Variants in TMTC2 observed in about 807,000 individuals in gnomAD.
TMTC2 encodes the protein transmembrane O-mannosyltransferase targeting cadherins 2, also known as protein O-mannosyl-transferase TMTC2.
In TMTC2, 43 loss-of-function variants were observed where a neutral mutation model predicts 82.4. The ratio of observed to expected loss-of-function variants is 0.52; its 90% CI spans 0.41 to 0.67. TMTC2 has a LOEUF of 0.67. Among genes scored for constraint, TMTC2 ranks in the 30% least tolerant of loss-of-function variants. TMTC2 has a pLI of 0.00. For missense variants in TMTC2, 919 were observed against 1,012.4 expected (o/e 0.91, Z 1.25); for synonymous variants, 408 against 381.9 (o/e 1.07, Z -0.80).
chr12:82,702,750 G>A (rs1873144333), intron 1 of TMTC2, among the ~76,000 whole-genome samples: 1 of 152,150 alleles, frequency 6.6e-6, no homozygotes, highest in East Asian at 1.9e-4. Flanking sequence ...AACATAGCGA[G>A]ATTCCATCTC....
At chr12:82,809,920 C>T (rs1879411530) in intron 1 of TMTC2, among the ~76,000 whole-genome samples, 1 of 152,076 alleles carries the variant, frequency 6.6e-6, no homozygotes, top group Admixed American at 6.6e-5. Context: ...GAAATACTTA[C>T]GGTATGGGGT....
chr12:83,121,565 G>T (rs1425609217), intron 11 of TMTC2, among the ~76,000 whole-genome samples: 4 of 152,080 alleles, frequency 2.6e-5, no homozygotes, highest in African/African-American at 9.7e-5. Flanking sequence ...TGGCAGGGGG[G>T]TGAAATGGAC....
At chr12:82,719,671 C>CTTTTTT (rs202235180) in intron 1 of TMTC2, among the ~76,000 whole-genome samples, 9 of 128,108 alleles carry the variant, frequency 7.0e-5, no homozygotes, top group East Asian at 2.3e-4. Flanking sequence ...GTCTCTCTGT[C>CTTTTTT]TTTTTTTTTT....
chr12:82,882,123 C>G (rs888242257), intron 2 of TMTC2, among the ~76,000 whole-genome samples: 1 of 148,446 alleles, frequency 6.7e-6, no homozygotes, highest in Non-Finnish European at 1.5e-5. Context: ...CCTCAGCCTC[C>G]CAAGTAGCTG....
intron 7 of TMTC2, among the ~76,000 whole-genome samples, chr12:82,978,477 C>T (rs1478602831): frequency 6.6e-6 from 1 of 150,928 alleles, no homozygotes; most frequent in Non-Finnish European, 1.5e-5. Flanking sequence ...GTTTAATTTC[C>T]GTGTGTGTGT....
At chr12:82,882,883 C>T (rs895322293) in intron 2 of TMTC2, among the ~76,000 whole-genome samples, 4 of 151,922 alleles carry the variant, frequency 2.6e-5, no homozygotes, top group African/African-American at 9.7e-5. Context: ...TCGTGAAACC[C>T]TGTCTCTACT....
intron 11 of TMTC2, among the ~76,000 whole-genome samples, chr12:83,127,593 G>T (rs898704439): frequency 3.3e-5 from 5 of 152,102 alleles, no homozygotes; most frequent in African/African-American, 1.2e-4. Context: ...TAGAAACATG[G>T]ATTCCCAACC....
At chr12:82,899,599 A>G (rs1179500667) in intron 3 of TMTC2, among the ~76,000 whole-genome samples, 1 of 136,646 alleles carries the variant, frequency 7.3e-6, no homozygotes, top group Non-Finnish European at 1.6e-5. Context: ...GAATATATAT[A>G]TGTGGAATAT....
intron 4 of TMTC2, among the ~76,000 whole-genome samples, chr12:82,955,896 T>C (rs1447168134): frequency 6.6e-6 from 1 of 152,142 alleles, no homozygotes; most frequent in African/African-American, 2.4e-5. Flanking sequence ...ATTGACCCTA[T>C]TACTTATAAT....
Position 82,965,868 on chromosome 12 carries a change from C to T in TMTC2, c.1869+124C>T, listed in dbSNP as rs1592662552. 4 of 1,001,408 alleles carry T rather than the reference C, an allele frequency of 4.0e-6. No homozygotes were observed. In the South Asian group the frequency reaches 4.5e-5, roughly 11 times the overall value. The allele number at this position is 1,001,408 out of a possible 1,614,324, so 62.0% of individuals were successfully genotyped here. ...ACAACTAATATGTATACACGTTAAA[C>T]TATTGTCCTTTGAGAAACTAATACA... On this transcript the variant is annotated intron_variant, in intron 6 of 11. Coordinates refer to ENST00000321196, the MANE Select transcript of TMTC2 (RefSeq NM_152588.3).
At chr12:83,023,624 C>T (rs1881033290) in intron 8 of TMTC2, among the ~76,000 whole-genome samples, 3 of 152,214 alleles carry the variant, frequency 2.0e-5, no homozygotes, top group Admixed American at 2.0e-4. Flanking sequence ...GGATGGGCTT[C>T]AGGGAAGCTT....
At chr12:82,706,587 T>A (rs557653454) in intron 1 of TMTC2, among the ~76,000 whole-genome samples, 1 of 152,264 alleles carries the variant, frequency 6.6e-6, no homozygotes, top group African/African-American at 2.4e-5. Flanking sequence ...TATAGGATTA[T>A]ATAGGCTGTA....
chr12:82,741,530 T>C (rs983707647), intron 1 of TMTC2, among the ~76,000 whole-genome samples: 5 of 152,158 alleles, frequency 3.3e-5, no homozygotes, highest in African/African-American at 7.2e-5. Flanking sequence ...AGGCTGGTCT[T>C]GAACTCCTGA....
At chr12:82,861,047 A>G (rs1199584631) in intron 2 of TMTC2, among the ~76,000 whole-genome samples, 3 of 152,230 alleles carry the variant, frequency 2.0e-5, no homozygotes, top group Non-Finnish European at 2.9e-5. Flanking sequence ...TATCTTGCCA[A>G]TTAACTCTGC....
chr12:83,051,545 C>T (rs536376056), intron 10 of TMTC2, among the ~76,000 whole-genome samples: 3 of 152,194 alleles, frequency 2.0e-5, no homozygotes, highest in African/African-American at 7.2e-5. Context: ...GAATATAATA[C>T]ATGTCTAATT....
chr12:82,798,331 G>GGAGGCC (rs1878822732), intron 1 of TMTC2, among the ~76,000 whole-genome samples: 1 of 150,450 alleles, frequency 6.6e-6, no homozygotes, highest in African/African-American at 2.4e-5. Context: ...CAGCACTTTG[G>GGAGGCC]GAGGCCGAGG....
chr12:82,768,754 AGTTGGG>A (rs1877123359), intron 1 of TMTC2, among the ~76,000 whole-genome samples: 1 of 152,002 alleles, frequency 6.6e-6, no homozygotes, highest in Non-Finnish European at 1.5e-5. Flanking sequence ...TGGTCATTAC[AGTTGGG>A]GTTCCGAGAG....
chr12:82,896,110 T>C lies in TMTC2; in HGVS notation c.947T>C (p.Phe316Ser). 6.2e-7 allele frequency: 1 copy of C among 1,614,000 alleles called. No homozygotes were observed. The highest frequency in any genetic ancestry group is 8.5e-7 in the Non-Finnish European group (1 of 1,180,012). The change falls in exon 3 of 12, where the codon TTC becomes TCC. Residue 316 changes from phenylalanine (F) to serine (S), a missense_variant. By Grantham distance (155) the Phe-to-Ser change is radical (BLOSUM62 -2). Transcript: ENST00000321196. ...CDWRNLHTVAFYTGLLLLAYY... is the reference protein window; with the variant it reads ...CDWRNLHTVASYTGLLLLAYY... ...TGGAGAAACCTACACACTGTGGCCT[T>C]CTATACTGGACTCCTTCTCCTTGCC...
At chr12:83,091,775 G>C (rs1355580078) in intron 11 of TMTC2, among the ~76,000 whole-genome samples, 1 of 152,122 alleles carries the variant, frequency 6.6e-6, no homozygotes, top group Non-Finnish European at 1.5e-5. Flanking sequence ...TGTGTTACCT[G>C]TCTTGTTTGA....
Sources: allele counts gnomAD v4.1 joint callset (sites outside exome capture counted in the v4.1 genomes callset), GRCh38; gene constraint gnomAD v4.1.1; transcripts MANE v1.5; gene names NCBI Gene and HGNC (gene_info 2026-07-23, HGNC 2026-07-21).